Variants in DCLK2 observed in about 807,000 individuals in gnomAD.
DCLK2 encodes doublecortin like kinase 2, also known as serine/threonine-protein kinase DCLK2.
In DCLK2, 31 loss-of-function variants were observed where a neutral mutation model predicts 78.4. The observed-to-expected ratio is 0.40, with a 90% CI of 0.30 to 0.53. DCLK2 has a LOEUF of 0.53. Among genes scored for constraint, DCLK2 ranks in the 20% least tolerant of loss-of-function variants. The pLI is 0.61. For missense variants in DCLK2, 872 were observed against 973.7 expected (o/e 0.90, Z 1.39); for synonymous variants, 407 against 374.9 (o/e 1.09, Z -0.99).
chr4:150,253,791 C>T lies in DCLK2; in HGVS notation c.2074-2229C>T, dbSNP rs573860191. 8.1e-4 allele frequency: 794 copies of T among 985,450 alleles called. 2 individuals are homozygous for T. The highest frequency in any genetic ancestry group is 9.0e-4 in the Non-Finnish European group (750 of 829,934). 61.0% of individuals were successfully genotyped at this position (985,450 alleles called of 1,614,324 possible). ...TCCAGACCAACAGCTGGTGAGAGCA[C>T]GGGAGGAGTCCCATAGTTCTCCTAC... On this transcript the variant is annotated intron_variant, in intron 15 of 15. Transcript: ENST00000296550.
In DCLK2 at chr4:150,079,090, G is replaced by C. The variant is rs368575203; in HGVS notation, c.63G>C (p.Pro21=). The change falls in exon 1 of 16, where the codon CCG becomes CCC. Residue 21 remains proline, a synonymous_variant. Coordinates refer to ENST00000296550, the MANE Select transcript of DCLK2 (RefSeq NM_001040260.4). The part of the protein sequence containing the change: ...HFEERDKRPR[P]GSRRGAPSSS... ...AGGAACGGGACAAAAGGCCGCGGCC[G>C]GGGTCGCGGAGAGGGGCCCCCAGCT... The C allele has an allele frequency of 5.3e-4, 825 of 1,563,964 alleles. 5 individuals are homozygous for C. The African/African-American group carries it at 0.01, about 19-fold the overall frequency.
intron 2 of DCLK2, among the ~76,000 whole-genome samples, chr4:150,151,996 A>G (rs1228451643): frequency 1.3e-5 from 2 of 152,188 alleles, no homozygotes; most frequent in African/African-American, 4.8e-5. Context: ...GGTACTGTGC[A>G]CAGTATTAAG....
chr4:150,138,586 G>A (rs1317815682), intron 2 of DCLK2, among the ~76,000 whole-genome samples: 1 of 152,166 alleles, frequency 6.6e-6, no homozygotes, highest in Non-Finnish European at 1.5e-5. Context: ...CTTAGAACAG[G>A]CCAGGCACTG....
At chr4:150,193,427 AAAAG>A (rs550211500) in intron 3 of DCLK2, among the ~76,000 whole-genome samples, 187 bp downstream of exon 3, 7 of 152,224 alleles carry the variant, frequency 4.6e-5, no homozygotes, top group East Asian at 1.9e-4. Context: ...TACTTATAAA[AAAAG>A]AAAGAAAGAA....
chr4:150,157,497 G>T (rs13434546), intron 2 of DCLK2, among the ~76,000 whole-genome samples: 5 of 74,488 alleles, frequency 6.7e-5, no homozygotes, highest in East Asian at 8.9e-4. Flanking sequence ...TTTTTTGTTT[G>T]TTTGTTTGTT....
chr4:150,213,292 AACC>A (rs1348407294), intron 5 of DCLK2, among the ~76,000 whole-genome samples: 1 of 152,226 alleles, frequency 6.6e-6, no homozygotes, highest in Admixed American at 6.5e-5. Flanking sequence ...TAACACTGTT[AACC>A]AACCACAAGT....
At chr4:150,220,359 T>C (rs148132616) in intron 5 of DCLK2, among the ~76,000 whole-genome samples, 1,650 of 152,326 alleles carry the variant, frequency 0.011, 33 homozygotes, top group African/African-American at 0.038. Flanking sequence ...CTGGAACCAT[T>C]AGAATTATCT....
rs1000924614 is a variant in DCLK2 at position 150,078,876 on chromosome 4, C to T, written c.-152C>T. ...CGCGGGCGGGTCGGCTCCTCCGCGGCTCCTCGGCCCCACCTGCGCGGAGAG... is the reference window on the plus strand; with the variant it reads ...CGCGGGCGGGTCGGCTCCTCCGCGGTTCCTCGGCCCCACCTGCGCGGAGAG... On this transcript the variant is annotated 5_prime_UTR_variant, in exon 1 of 16. Coordinates refer to ENST00000296550, the MANE Select transcript of DCLK2 (RefSeq NM_001040260.4). 9.6e-6 allele frequency: 10 copies of T among 1,036,746 alleles called. No homozygotes were observed. The highest frequency in any genetic ancestry group is 1.3e-5 in the Non-Finnish European group (10 of 762,410). The allele number at this position is 1,036,746 out of a possible 1,614,324, so 64.2% of individuals were successfully genotyped here.
intron 2 of DCLK2, among the ~76,000 whole-genome samples, chr4:150,149,732 G>T (rs1463551711): frequency 6.6e-6 from 1 of 152,188 alleles, no homozygotes; most frequent in Non-Finnish European, 1.5e-5. Flanking sequence ...CTTTGCCAAT[G>T]AATGTCTCTT....
At chr4:150,151,931 A>AT (rs1021267448) in intron 2 of DCLK2, among the ~76,000 whole-genome samples, 35 of 145,980 alleles carry the variant, frequency 2.4e-4, no homozygotes, top group Non-Finnish European at 3.8e-4. Context: ...TCTCAAAAAA[A>AT]AAAAATAATA....
chr4:150,198,184 T>A, intron 4 of DCLK2, 81 bp downstream of exon 4: 1 of 1,302,734 alleles, frequency 7.7e-7, no homozygotes. Flanking sequence ...TATGAATTAG[T>A]AGTCTTTGCC....
rs769785936 is a variant in DCLK2, at chr4:150,079,098, G to T, written c.71G>T (p.Arg24Leu). 1.3e-6 allele frequency: 2 copies of T among 1,565,810 alleles called. No homozygotes were observed. Among genetic ancestry groups the T allele is most frequent in the South Asian group, 1.2e-5 (1 of 82,336 alleles). ...GACAAAAGGCCGCGGCCGGGGTCGC[G>T]GAGAGGGGCCCCCAGCTCCTCCGGG... ...ERDKRPRPGS[R>L]RGAPSSSGGS... Residue 24 changes from arginine to leucine, a missense_variant, in exon 1 of 16, where the codon CGG (arginine) becomes CTG (leucine). Physicochemically the swap from Arg to Leu is moderately radical, Grantham distance 102. This residue lies in a region of DCLK2 where 567 missense variants were observed against 593.4 expected (regional missense o/e 0.96). Coordinates refer to ENST00000296550, the MANE Select transcript of DCLK2 (RefSeq NM_001040260.4).
chr4:150,133,618 A>G (rs954702810), intron 2 of DCLK2, among the ~76,000 whole-genome samples: 3 of 152,250 alleles, frequency 2.0e-5, no homozygotes, highest in African/African-American at 7.2e-5. Context: ...AACTGGTTCA[A>G]AGGATGGAAA....
rs181370744 is a variant in DCLK2, at chr4:150,117,495, C to G, written c.756+14683C>G. Among the ~76,000 whole-genome samples, 513 of 152,306 alleles carry G rather than the reference C, an allele frequency of 3.4e-3. 4 individuals are homozygous for G. Among genetic ancestry groups the G allele is most frequent in the African/African-American group, 0.011 (443 of 41,560 alleles). On this transcript the variant is annotated intron_variant, in intron 2 of 15. Coordinates refer to ENST00000296550, the MANE Select transcript of DCLK2 (RefSeq NM_001040260.4). ...CTTCCCACTCACCCCTTGGTTCTGG[C>G]CAAAGGGGTTCATCCCCCCCTTAAG...
Position 150,079,316 on chromosome 4 carries a change from C to T in DCLK2, c.289C>T (p.Arg97Trp). The T allele has an allele frequency of 6.3e-7, 1 of 1,592,468 alleles. No homozygotes were observed. The highest frequency in any genetic ancestry group is 8.5e-7 in the Non-Finnish European group (1 of 1,169,712). Residue 97 changes from arginine to tryptophan, a missense_variant, in exon 1 of 16, where the codon CGG (arginine) becomes TGG (tryptophan). By Grantham distance (101) the Arg-to-Trp change is moderately radical (BLOSUM62 -3). Transcript: ENST00000296550. ...LVFAISSDRF[R>W]SFDALLIELT... ...GTTTGCCATCTCCAGCGACCGCTTC[C>T]GGTCCTTCGATGCGCTCCTCATAGA...
chr4:150,150,574 T>C (rs1369509181), intron 2 of DCLK2, among the ~76,000 whole-genome samples: 1 of 152,234 alleles, frequency 6.6e-6, no homozygotes, highest in Non-Finnish European at 1.5e-5. Flanking sequence ...ATGTAGCATT[T>C]ATTTTTTTAA....
chr4:150,114,764 C>T (rs1331117277), intron 2 of DCLK2, among the ~76,000 whole-genome samples: 2 of 152,200 alleles, frequency 1.3e-5, no homozygotes. Flanking sequence ...TTCCATTAGT[C>T]TGATAGGTTG....
intron 13 of DCLK2, among the ~76,000 whole-genome samples, chr4:150,248,099 C>T (rs1743471850): frequency 6.6e-6 from 1 of 152,178 alleles, no homozygotes; most frequent in African/African-American, 2.4e-5. Flanking sequence ...ATCTTAGTTT[C>T]ACATGGACTC....
At chr4:150,220,641 G>C in intron 5 of DCLK2, 62 bp from the exon 6 acceptor site, 1 of 1,377,466 alleles carries the variant, frequency 7.3e-7, no homozygotes, top group Non-Finnish European at 1.0e-6. Flanking sequence ...GTGTGTCAAC[G>C]GATTAGTTAG....
Sources: allele counts gnomAD v4.1 joint callset (sites outside exome capture counted in the v4.1 genomes callset), GRCh38; gene constraint gnomAD v4.1.1; regional missense constraint gnomAD v4.1.1; transcripts MANE v1.5; gene names NCBI Gene and HGNC (gene_info 2026-07-23, HGNC 2026-07-21).